The following RIN3 variants were observed in gnomAD, a reference collection of about 807,000 sequenced individuals.
RIN3 encodes RAB5 interacting protein 3.
Under a neutral mutation model 76.3 loss-of-function variants are expected in RIN3, and 54 were observed. The ratio of observed to expected loss-of-function variants is 0.71; its 90% CI spans 0.57 to 0.89. RIN3 has a LOEUF of 0.89. Among genes scored for constraint, RIN3 ranks in the 40% least tolerant of loss-of-function variants. The pLI is 0.00. For missense variants in RIN3, 1,256 were observed against 1,322.1 expected, an observed-to-expected ratio of 0.95 and a Z score of 0.78; for synonymous variants, 576 against 564.0, an observed-to-expected ratio of 1.02 and a Z score of -0.30.
At chr14:92,588,530 T>C (rs1355949358) in intron 3 of RIN3, among the ~76,000 whole-genome samples, 2 of 152,020 alleles carry the variant, frequency 1.3e-5, no homozygotes, top group African/African-American at 4.8e-5. Context: ...CCAGCTGCCA[T>C]AGCACTCTTT....
chr14:92,541,446 G>T (rs1595399661), intron 1 of RIN3, among the ~76,000 whole-genome samples: 1 of 152,186 alleles, frequency 6.6e-6, no homozygotes, highest in African/African-American at 2.4e-5. Context: ...AAAGAAAGAA[G>T]GATACTCATT....
At chr14:92,574,518 C>T (rs768551099) in intron 2 of RIN3, among the ~76,000 whole-genome samples, 18 of 152,166 alleles carry the variant, frequency 1.2e-4, no homozygotes, top group Non-Finnish European at 2.1e-4. Context: ...TTCCAGCTTG[C>T]TTGTCTATGT....
intron 7 of RIN3, among the ~76,000 whole-genome samples, chr14:92,661,960 C>A (rs1887904865): frequency 6.6e-6 from 1 of 152,100 alleles, no homozygotes; most frequent in South Asian, 2.1e-4. Flanking sequence ...AGAGAACAGG[C>A]CCAGGATGTA....
intron 2 of RIN3, among the ~76,000 whole-genome samples, chr14:92,574,508 T>C (rs1388035206): frequency 6.6e-6 from 1 of 152,222 alleles, no homozygotes; most frequent in Non-Finnish European, 1.5e-5. Context: ...CCATGCAAGC[T>C]TCCAGCTTGC....
At chr14:92,566,445 T>C (rs1897918005) in intron 2 of RIN3, among the ~76,000 whole-genome samples, 2 of 152,172 alleles carry the variant, frequency 1.3e-5, no homozygotes, top group South Asian at 4.1e-4. Flanking sequence ...TTCCAAATGC[T>C]TTATTGACCA....
chr14:92,606,278 C>T (rs1885524201), intron 3 of RIN3, among the ~76,000 whole-genome samples: 1 of 152,038 alleles, frequency 6.6e-6, no homozygotes, highest in African/African-American at 2.4e-5. Context: ...GTGGCTTATA[C>T]CTGTAATCCC....
At chr14:92,544,414 T>TGGGGGGGGGGG (rs71123353) in intron 1 of RIN3, among the ~76,000 whole-genome samples, 95 of 74,556 alleles carry the variant, frequency 1.3e-3, no homozygotes, top group Admixed American at 2.3e-3. Context: ...GTGACAGCTG[T>TGGGGGGGGGGG]GGGGGGGGGG....
intron 4 of RIN3, among the ~76,000 whole-genome samples, chr14:92,630,451 C>T (rs1353218371): frequency 6.6e-6 from 1 of 152,192 alleles, no homozygotes; most frequent in Admixed American, 6.5e-5. Flanking sequence ...GAGACTGTGC[C>T]ACTGCACTCC....
intron 1 of RIN3, among the ~76,000 whole-genome samples, chr14:92,545,914 C>CCTTTT (rs56096023): frequency 0.29 from 41,972 of 146,710 alleles, 6,536 homozygotes; most frequent in Middle Eastern, 0.41. Flanking sequence ...TGATTCTGGC[C>CCTTTT]CTTTTCTTTT....
In RIN3 at chr14:92,676,487, G is replaced by A; in HGVS notation, c.2348G>A (p.Gly783Glu). Reference sequence around the variant, plus strand: ...TTCTTCTTCCCAGGGAAGCCCTATGGGGCGGATGACTTCCTGCCTGTGCTC... The same window carrying A: ...TTCTTCTTCCCAGGGAAGCCCTATGAGGCGGATGACTTCCTGCCTGTGCTC... ...MALGNPGKPY[G>E]ADDFLPVLMY... Residue 783 changes from glycine (G) to glutamate (E), a missense_variant, in exon 8 of 10, where the codon GGG becomes GAG. Coordinates refer to ENST00000216487, the MANE Select transcript of RIN3 (RefSeq NM_024832.5). The A allele has an allele frequency of 6.2e-7, 1 of 1,614,068 alleles. No homozygotes were observed. Among genetic ancestry groups the A allele is most frequent in the East Asian group, 2.2e-5 (1 of 44,876 alleles).
At chr14:92,658,290 G>A (rs1887745535) in intron 6 of RIN3, among the ~76,000 whole-genome samples, 1 of 152,250 alleles carries the variant, frequency 6.6e-6, no homozygotes, top group Admixed American at 6.5e-5. Flanking sequence ...AACCAGCCAT[G>A]TGGACGACTG....
rs546569224 is a variant in RIN3 at position 92,566,156 on chromosome 14, G to A, written c.249+10201G>A. Among the ~76,000 whole-genome samples the A allele has an allele frequency of 2.9e-4, 44 of 152,264 alleles. No individual in the cohort carries two copies. The South Asian group carries it at 3.7e-3, about 13-fold the overall frequency. ...TTCAGCCATAAGGATGCTATTGTTC[G>A]TCTAGTGGGAAGTCTGGAAGTTGGG... is the stretch of plus-strand genomic sequence containing the variant. On this transcript the variant is annotated intron_variant, in intron 2 of 9. Coordinates refer to ENST00000216487, the MANE Select transcript of RIN3 (RefSeq NM_024832.5).
intron 3 of RIN3, among the ~76,000 whole-genome samples, chr14:92,583,942 T>C (rs1884665366): frequency 6.6e-6 from 1 of 152,224 alleles, no homozygotes; most frequent in African/African-American, 2.4e-5. Context: ...AATCTAATGC[T>C]GCCACTGATC....
intron 7 of RIN3, among the ~76,000 whole-genome samples, chr14:92,669,684 C>T (rs935787883): frequency 7.9e-5 from 12 of 152,262 alleles, no homozygotes; most frequent in African/African-American, 2.9e-4. Context: ...CAGTCCTTTC[C>T]TCTCCATCAG....
rs765121590 is a variant in RIN3, at chr14:92,648,409, C to T, written c.533-3173C>T. 2.3e-4 allele frequency among the ~76,000 whole-genome samples: 35 copies of T among 152,246 alleles called. No individual in the cohort carries two copies. Among genetic ancestry groups the T allele is most frequent in the Non-Finnish European group, 4.3e-4 (29 of 68,044 alleles). ...TCTGTGCCTAATGGAGCCATCCTGT[C>T]CCGTGGCAGGCTGCCCGGCTGGTGG... On this transcript the variant is annotated intron_variant, in intron 5 of 9. Coordinates refer to ENST00000216487, the MANE Select transcript of RIN3 (RefSeq NM_024832.5). The surrounding 1 kb of genome is among the most constrained non-coding windows in gnomAD (Gnocchi z 4.1).
At chr14:92,545,919 T>TCTTTC (rs951527274) in intron 1 of RIN3, among the ~76,000 whole-genome samples, 48 of 106,528 alleles carry the variant, frequency 4.5e-4, no homozygotes, top group Non-Finnish European at 7.3e-4. Flanking sequence ...CTGGCCCTTT[T>TCTTTC]CTTTTCTTTT....
intron 5 of RIN3, among the ~76,000 whole-genome samples, chr14:92,644,105 T>C (rs1371268128): frequency 6.6e-6 from 1 of 152,238 alleles, no homozygotes; most frequent in African/African-American, 2.4e-5. Context: ...GGCTCACACC[T>C]GTAAAGTGCC....
At chr14:92,665,410 G>A (rs978612698) in intron 7 of RIN3, among the ~76,000 whole-genome samples, 6 of 118,866 alleles carry the variant, frequency 5.0e-5, no homozygotes, top group Admixed American at 3.6e-4. Flanking sequence ...ACAGAGTCTC[G>A]CTCTATCGCC....
intron 2 of RIN3, among the ~76,000 whole-genome samples, chr14:92,562,187 G>A (rs75213656): frequency 6.6e-6 from 1 of 152,206 alleles, no homozygotes; most frequent in South Asian, 2.1e-4. Context: ...TTAGACTGGG[G>A]TTAGGGGTTT....
Sources: gnomAD v4.1 joint callset for allele counts (sites outside exome capture counted in the v4.1 genomes callset) on GRCh38, gnomAD v4.1.1 for gene constraint, Gnocchi (gnomAD v3.1) non-coding constraint, MANE v1.5 for transcripts, NCBI Gene and HGNC (gene_info 2026-07-23, HGNC 2026-07-21) for gene names.